The following EXT2 variants were observed in gnomAD, a reference collection of about 807,000 sequenced individuals.
EXT2 encodes exostosin glycosyltransferase 2.
A neutral mutation model predicts 81.6 loss-of-function variants in EXT2; 53 were observed. That is an observed-to-expected ratio of 0.65 (90% CI 0.52 to 0.82). The LOEUF (loss-of-function observed/expected upper bound fraction) is 0.82, where lower values mean the gene tolerates loss of function less well. Among genes scored for constraint, EXT2 ranks in the 40% least tolerant of loss-of-function variants. The pLI, the probability that EXT2 is intolerant of heterozygous loss-of-function variation, is 0.00. For missense variants in EXT2, 774 were observed against 910.2 expected (o/e 0.85, Z 1.93); for synonymous variants, 320 against 340.0 (o/e 0.94, Z 0.65).
intron 7 of EXT2, among the ~76,000 whole-genome samples, chr11:44,150,367 C>T (rs1209880137): frequency 6.6e-6 from 1 of 152,030 alleles, no homozygotes. Context: ...AAGACAAAAC[C>T]ACAATAATGA....
At chr11:44,224,362 A>G (rs1375717717) in intron 10 of EXT2, among the ~76,000 whole-genome samples, 1 of 152,026 alleles carries the variant, frequency 6.6e-6, no homozygotes, top group Non-Finnish European at 1.5e-5. Context: ...CTATATCTAT[A>G]TCTATATTTA....
chr11:44,161,506 T>TA lies in EXT2; in HGVS notation c.1174-10093dup, dbSNP rs71947801. Among the ~76,000 whole-genome samples the TA allele has an allele frequency of 7.0e-3, 1,025 of 146,344 alleles. 3 individuals are homozygous for TA. The highest frequency in any genetic ancestry group is 9.8e-3 in the South Asian group (45 of 4,590). On this transcript the variant is annotated intron_variant, in intron 7 of 13. Transcript: ENST00000533608. ...GGCAATGGAGCAAGACCCTGGCTCTTAAAAAAAAAAAAGTAATATTCAGTG... is the reference window on the plus strand; with the variant it reads ...GGCAATGGAGCAAGACCCTGGCTCTTAAAAAAAAAAAAAGTAATATTCAGTG...
intron 8 of EXT2, among the ~76,000 whole-genome samples, chr11:44,183,244 G>A (rs1313660554): frequency 6.6e-6 from 1 of 152,146 alleles, no homozygotes; most frequent in African/African-American, 2.4e-5. Flanking sequence ...CTTTTATTAT[G>A]TGTCTTGTGG....
At position 44,197,934 on chromosome 11, in the gene EXT2, C is replaced by T. The variant is rs370844900; in HGVS notation, c.1411C>T (p.Arg471Trp). The change falls in exon 9 of 14, where the codon CGG becomes TGG. Residue 471 changes from arginine to tryptophan, a missense_variant. Arg to Trp is a moderately radical substitution (Grantham distance 101). This residue lies in a region of EXT2 where 626 missense variants were observed against 670.5 expected (regional missense o/e 0.93). Transcript: ENST00000533608. Reference sequence around the variant, plus strand: ...CTACGACCGAGTAGAGAGCCTCTTCCGGGTCATCACTGAAGTGTCCAAGGT... The same window carrying T: ...CTACGACCGAGTAGAGAGCCTCTTCTGGGTCATCACTGAAGTGTCCAAGGT... ...LTYDRVESLF[R>W]VITEVSKVPS... is the part of the protein sequence containing the mutation. The T allele has an allele frequency of 5.0e-6, 8 of 1,614,104 alleles. No homozygotes were observed. The highest frequency in any genetic ancestry group is 6.8e-6 in the Non-Finnish European group (8 of 1,179,986).
At chr11:44,144,180 AG>A in intron 7 of EXT2, 1 of 1,404,370 alleles carries the variant, frequency 7.1e-7, no homozygotes, top group Non-Finnish European at 1.0e-6. Context: ...AGTTGACCCA[AG>A]TTGTGCTCTT....
At chr11:44,104,721 A>G (rs767431611) in intron 1 of EXT2, 6 of 152,250 alleles carry the variant, frequency 3.9e-5, no homozygotes, top group Admixed American at 2.0e-4. Flanking sequence ...CATTTGTCCC[A>G]AAACTTCCTG....
intron 4 of EXT2, among the ~76,000 whole-genome samples, chr11:44,119,715 T>G (rs1424869627): frequency 6.6e-6 from 1 of 152,224 alleles, no homozygotes; most frequent in African/African-American, 2.4e-5. Flanking sequence ...AAGACCAAAC[T>G]TATAAGCAAG....
intron 9 of EXT2, among the ~76,000 whole-genome samples, chr11:44,203,183 C>T (rs1195968434): frequency 6.6e-6 from 1 of 152,050 alleles, no homozygotes; most frequent in African/African-American, 2.4e-5. Context: ...TCTGATATCC[C>T]AAGAATATTA....
At chr11:44,213,881 C>T (rs1265649975) in intron 10 of EXT2, among the ~76,000 whole-genome samples, 2 of 152,074 alleles carry the variant, frequency 1.3e-5, no homozygotes, top group African/African-American at 4.8e-5. Context: ...AGAAGCTGAA[C>T]CAACCACCAA....
chr11:44,119,918 G>C (rs1158628600), intron 4 of EXT2, among the ~76,000 whole-genome samples: 3 of 152,204 alleles, frequency 2.0e-5, no homozygotes, highest in Non-Finnish European at 4.4e-5. Context: ...TCTGTCTTCA[G>C]TGCACTTTTC....
intron 2 of EXT2, 76 bp downstream of exon 2, chr11:44,108,324 T>A (rs1565196834): frequency 6.7e-7 from 1 of 1,490,112 alleles, no homozygotes. Context: ...AAGGGAAGGA[T>A]GGGAATGCTT....
chr11:44,234,357 C>G (rs1955935971), intron 12 of EXT2, 114 bp downstream of exon 12: 1 of 1,090,524 alleles, frequency 9.2e-7, no homozygotes. Flanking sequence ...ACTTTAAGCT[C>G]TATTTTAGTT....
intron 9 of EXT2, among the ~76,000 whole-genome samples, chr11:44,203,035 T>C (rs749782447): frequency 6.6e-6 from 1 of 152,230 alleles, no homozygotes. Flanking sequence ...CAACACATCT[T>C]AGAACAGTTT....
At chr11:44,236,529 C>T (rs763967456) in intron 13 of EXT2, among the ~76,000 whole-genome samples, 154 bp downstream of exon 13, 9 of 152,138 alleles carry the variant, frequency 5.9e-5, no homozygotes, top group Non-Finnish European at 1.0e-4. Flanking sequence ...AGTTCAAGCC[C>T]AGGTCACCCA....
Position 44,144,309 on chromosome 11 carries a change from G to T in EXT2, c.1173+14171G>T, listed in dbSNP as rs369501833. The T allele has an allele frequency of 1.6e-4, 252 of 1,598,294 alleles. No homozygotes were observed. The African/African-American group carries it at 3.2e-3, about 20-fold the overall frequency. ...CTGCTAATCACCAAATGAACTCCCT[G>T]ATCTGGCCTAGGGAACAGTGGGATT... On this transcript the variant is annotated intron_variant, in intron 7 of 13. Transcript: ENST00000533608.
intron 9 of EXT2, among the ~76,000 whole-genome samples, chr11:44,199,992 G>A (rs747313249): frequency 6.6e-6 from 1 of 152,080 alleles, no homozygotes; most frequent in Admixed American, 6.5e-5. Context: ...TTAGGTCAGG[G>A]CTCTGGCTCT....
chr11:44,130,015 G>A (rs748619332), intron 6 of EXT2, 30 bp from the exon 7 acceptor site: 6 of 1,534,624 alleles, frequency 3.9e-6, no homozygotes, highest in African/African-American at 1.4e-5. Context: ...AGGGCTGTGT[G>A]TATGTAAACT....
At chr11:44,138,423 C>G (rs1253794892) in intron 7 of EXT2, among the ~76,000 whole-genome samples, 3 of 152,062 alleles carry the variant, frequency 2.0e-5, no homozygotes, top group African/African-American at 7.2e-5. Flanking sequence ...CAGCTGGAAC[C>G]TAGGTCTCCT....
chr11:44,234,568 G>C (rs1401380312), intron 12 of EXT2, among the ~76,000 whole-genome samples: 2 of 147,736 alleles, frequency 1.4e-5, no homozygotes, highest in Non-Finnish European at 3.0e-5. Flanking sequence ...TTAGTTAAAG[G>C]ATGTAGTTTA....
Sources: allele counts gnomAD v4.1 joint callset (sites outside exome capture counted in the v4.1 genomes callset), GRCh38; gene constraint gnomAD v4.1.1; regional missense constraint gnomAD v4.1.1; transcripts MANE v1.5; gene names NCBI Gene and HGNC (gene_info 2026-07-23, HGNC 2026-07-21).